The following LNX2 variants were observed in gnomAD, a reference collection of about 807,000 sequenced individuals.
LNX2 encodes ligand of numb-protein X 2.
LNX2 carries 35 observed loss-of-function variants against 66.2 expected under a neutral mutation model. The observed-to-expected ratio is 0.53, with a 90% confidence interval of 0.40 to 0.70. LNX2 has a LOEUF of 0.70. LNX2 is among the 30% of genes least tolerant of loss of function. The pLI is 0.00. For synonymous variants in LNX2, 337 were observed against 315.6 expected, an observed-to-expected ratio of 1.07 and a Z score of -0.72; for missense variants, 791 against 850.8, an observed-to-expected ratio of 0.93 and a Z score of 0.87.
chr13:27,590,606 A>G (rs1200268615), intron 1 of LNX2, among the ~76,000 whole-genome samples: 1 of 152,112 alleles, frequency 6.6e-6, no homozygotes, highest in East Asian at 1.9e-4. Context: ...ATGTTAGTAA[A>G]TAGGTGGTTT....
intron 1 of LNX2, among the ~76,000 whole-genome samples, chr13:27,614,788 A>C (rs1456042827): frequency 6.6e-6 from 1 of 152,194 alleles, no homozygotes; most frequent in East Asian, 1.9e-4. Context: ...TAAACGATTA[A>C]GTCTTTAAGA....
intron 1 of LNX2, among the ~76,000 whole-genome samples, chr13:27,612,278 T>C (rs1306305818): frequency 6.6e-6 from 1 of 152,208 alleles, no homozygotes; most frequent in Non-Finnish European, 1.5e-5. Flanking sequence ...GGCCATGGCC[T>C]ACCTCCCTGG....
At chr13:27,582,658 A>C (rs1955413615) in intron 1 of LNX2, among the ~76,000 whole-genome samples, 1 of 152,202 alleles carries the variant, frequency 6.6e-6, no homozygotes, top group Admixed American at 6.5e-5. Context: ...ACCAAACACC[A>C]CATGTTCTCA....
In LNX2 at chr13:27,593,164, C is replaced by T. The variant is rs867383553; in HGVS notation, c.-100-11361G>A. On this transcript the variant is annotated intron_variant, in intron 1 of 9. Transcript: ENST00000316334. ...CATCCTTTCTTCTTTTGCCATATCT[C>T]TCCCTCTCCTTTCTAAAAGCTAGTT... is the stretch of plus-strand genomic sequence containing the variant. Among the ~76,000 whole-genome samples the T allele has an allele frequency of 2.6e-5, 4 of 152,262 alleles. No homozygotes were observed. The South Asian group carries it at 6.2e-4, about 24-fold the overall frequency.
At position 27,554,800 on chromosome 13, in the gene LNX2, T is replaced by C. The variant is rs1209816711; in HGVS notation, c.1547-1361A>G. The stretch of plus-strand genomic sequence containing the variant: ...GAATCAGTTTAACTCTTTGAGGAAC[T>C]ACCAAACCGTTTTCCAAAAACAGTT... On this transcript the variant is annotated intron_variant, in intron 7 of 9. Transcript: ENST00000316334. 2.6e-5 allele frequency among the ~76,000 whole-genome samples: 4 copies of C among 152,366 alleles called. No individual in the cohort carries two copies. The East Asian group carries it at 7.7e-4, about 29-fold the overall frequency.
chr13:27,588,021 C>CCAAAAAAAAAAAAAA (rs1955509486), intron 1 of LNX2, among the ~76,000 whole-genome samples: 2 of 93,532 alleles, frequency 2.1e-5, no homozygotes, highest in African/African-American at 7.6e-5. Context: ...ACTCTTGTCA[C>CCAAAAAAAAAAAAAA]AAAAAAAAAA....
chr13:27,565,135 A>G (rs1955189133), intron 4 of LNX2, among the ~76,000 whole-genome samples: 1 of 152,188 alleles, frequency 6.6e-6, no homozygotes, highest in African/African-American at 2.4e-5. Flanking sequence ...TTTATAACTG[A>G]ATTAATTCCC....
At chr13:27,577,324 T>A (rs1235972179) in intron 2 of LNX2, among the ~76,000 whole-genome samples, 1 of 152,214 alleles carries the variant, frequency 6.6e-6, no homozygotes, top group African/African-American at 2.4e-5. Context: ...ACAATACTGA[T>A]AAGAATGTGC....
intron 1 of LNX2, among the ~76,000 whole-genome samples, chr13:27,585,779 C>A (rs1465255211): frequency 6.6e-6 from 1 of 151,810 alleles, no homozygotes; most frequent in Non-Finnish European, 1.5e-5. Flanking sequence ...TCTAATTTTT[C>A]TCTTCCTCAA....
At chr13:27,573,669 G>C (rs1194576656) in intron 2 of LNX2, among the ~76,000 whole-genome samples, 2 of 151,966 alleles carry the variant, frequency 1.3e-5, no homozygotes. Context: ...TGGAAGACGG[G>C]GAGATTTTTT....
chr13:27,557,684 G>T (rs1955079914), intron 6 of LNX2, among the ~76,000 whole-genome samples: 1 of 151,946 alleles, frequency 6.6e-6, no homozygotes, highest in Non-Finnish European at 1.5e-5. Context: ...CTAAATCAGG[G>T]CCTGGAATTC....
intron 3 of LNX2, among the ~76,000 whole-genome samples, chr13:27,568,402 A>T (rs1444160726): frequency 6.6e-6 from 1 of 152,190 alleles, no homozygotes; most frequent in African/African-American, 2.4e-5. Context: ...TATGCCCAAG[A>T]TCCATGACTA....
intron 5 of LNX2, 60 bp from the exon 6 acceptor site, chr13:27,560,045 TAC>T: frequency 7.1e-7 from 1 of 1,413,484 alleles, no homozygotes; most frequent in Non-Finnish European, 9.5e-7. Flanking sequence ...TTTTAAAGAT[TAC>T]ACACAGTGTA....
chr13:27,606,827 GAAAT>G (rs1359735261), intron 1 of LNX2, among the ~76,000 whole-genome samples: 2 of 152,084 alleles, frequency 1.3e-5, no homozygotes, highest in African/African-American at 2.4e-5. Context: ...TGCACAAAAA[GAAAT>G]AAAGCAGAAA....
chr13:27,571,355 C>T (rs776413874), intron 2 of LNX2, among the ~76,000 whole-genome samples: 2 of 152,052 alleles, frequency 1.3e-5, no homozygotes, highest in Non-Finnish European at 2.9e-5. Context: ...TCAGAAAGAA[C>T]ACTTTCACTG....
In LNX2 at chr13:27,562,638, T is replaced by G; in HGVS notation, c.999A>C (p.Pro333=). The G allele has an allele frequency of 6.2e-7, 1 of 1,614,078 alleles. No individual in the cohort carries two copies. Among genetic ancestry groups the G allele is most frequent in the Non-Finnish European group, 8.5e-7 (1 of 1,180,000 alleles). ...GAGCCACTTGGAAAATCTCTTCTCG[T>G]GGAGAGTTACTATCAGAATGGTTGT... The part of the protein sequence containing the change: ...RAHNHSDSNS[P]REEIFQVALH... Residue 333 remains proline (P), a synonymous_variant, in exon 5 of 10, where the codon CCA becomes CCC. Coordinates refer to ENST00000316334, the MANE Select transcript of LNX2 (RefSeq NM_153371.4).
intron 2 of LNX2, among the ~76,000 whole-genome samples, chr13:27,573,610 CG>C (rs1371469418): frequency 6.6e-6 from 1 of 150,914 alleles, no homozygotes; most frequent in Non-Finnish European, 1.5e-5. Context: ...CTGTCAGTGG[CG>C]TGAGTGTTGA....
chr13:27,572,900 T>C (rs975930778), intron 2 of LNX2, among the ~76,000 whole-genome samples: 1 of 152,128 alleles, frequency 6.6e-6, no homozygotes, highest in African/African-American at 2.4e-5. Context: ...AGAAAAATGA[T>C]AAAAATAGCT....
intron 1 of LNX2, among the ~76,000 whole-genome samples, chr13:27,590,095 G>A (rs945859631): frequency 4.0e-5 from 6 of 151,892 alleles, no homozygotes; most frequent in African/African-American, 7.3e-5. Context: ...GATTACAGGC[G>A]CCCACCACCA....
Sources: gnomAD v4.1 joint callset for allele counts (sites outside exome capture counted in the v4.1 genomes callset) on GRCh38, gnomAD v4.1.1 for gene constraint, MANE v1.5 for transcripts, NCBI Gene and HGNC (gene_info 2026-07-23, HGNC 2026-07-21) for gene names.